AMBRA1: variants seen among roughly 807,000 people sequenced by gnomAD.
The protein encoded by AMBRA1 is autophagy and beclin 1 regulator 1.
AMBRA1 carries 47 observed loss-of-function variants against 125.4 expected under a neutral mutation model. The observed-to-expected ratio is 0.37, with a 90% CI of 0.30 to 0.48. The LOEUF (loss-of-function observed/expected upper bound fraction) is 0.48, where lower values mean the gene tolerates loss of function less well. Ranked by LOEUF, AMBRA1 falls within the 20% of genes least tolerant of loss-of-function variation. The pLI is 0.99. For synonymous variants in AMBRA1, 626 were observed against 655.5 expected (o/e 0.95, Z 0.69); for missense variants, 1,331 against 1,693.4 (o/e 0.79, Z 3.76).
intron 7 of AMBRA1, among the ~76,000 whole-genome samples, chr11:46,533,358 GT>G (rs1952306678): frequency 1.3e-5 from 2 of 152,248 alleles, no homozygotes. Context: ...ATTGACAATA[GT>G]TTTGTAATTA....
intron 1 of AMBRA1, among the ~76,000 whole-genome samples, chr11:46,591,939 T>TCAA (rs2044613816): frequency 7.1e-6 from 1 of 141,458 alleles, no homozygotes; most frequent in South Asian, 2.2e-4. Context: ...ACCTCAAGAC[T>TCAA]GATTTTTTTT....
In AMBRA1 at chr11:46,542,301, G is replaced by A. The variant is rs759539111; in HGVS notation, c.1716C>T (p.His572=). 6 of 1,613,996 alleles carry A rather than the reference G, an allele frequency of 3.7e-6. No individual in the cohort carries two copies. In the African/African-American group the frequency reaches 5.3e-5, roughly 14 times the overall value. ...TATCGTTGTTGAAGGTCAGGAGATT[G>A]TGGCAAGCACGACAGCGATTCAGGT... ...RGHLNRCRAC[H]NLLTFNNDTL... Residue 572 remains histidine (H), a synonymous_variant, in exon 7 of 18, where the codon CAC becomes CAT. Transcript: ENST00000683756. This position sits in a 1 kb window ranked among gnomAD's most constrained non-coding sequence, Gnocchi z 5.9.
At chr11:46,506,735 T>C (rs1951048251) in intron 9 of AMBRA1, among the ~76,000 whole-genome samples, 1 of 151,924 alleles carries the variant, frequency 6.6e-6, no homozygotes, top group African/African-American at 2.4e-5. Context: ...AATACCAAAA[T>C]ATAAGGAATC....
chr11:46,439,439 A>G (rs1947894364), intron 12 of AMBRA1, among the ~76,000 whole-genome samples: 1 of 152,208 alleles, frequency 6.6e-6, no homozygotes. Flanking sequence ...CATCCCAAAT[A>G]AATGGAGATA....
intron 11 of AMBRA1, among the ~76,000 whole-genome samples, chr11:46,471,986 A>G (rs1256835859): frequency 2.6e-5 from 4 of 152,144 alleles, no homozygotes; most frequent in Non-Finnish European, 4.4e-5. Context: ...AATTTTTACA[A>G]AAGAGTTGTG....
intron 7 of AMBRA1, among the ~76,000 whole-genome samples, chr11:46,540,183 C>A (rs1423605009): frequency 6.6e-6 from 1 of 152,140 alleles, no homozygotes; most frequent in Non-Finnish European, 1.5e-5. Context: ...TTAAACCACT[C>A]AGGAATTTCT....
At chr11:46,534,558 G>A (rs1171863623) in intron 7 of AMBRA1, among the ~76,000 whole-genome samples, 1 of 152,132 alleles carries the variant, frequency 6.6e-6, no homozygotes, top group Admixed American at 6.5e-5. Flanking sequence ...TCTGTTAATG[G>A]AATGAGTGAA....
intron 4 of AMBRA1, among the ~76,000 whole-genome samples, chr11:46,546,808 T>C (rs982993865): frequency 1.3e-5 from 2 of 152,190 alleles, no homozygotes; most frequent in Non-Finnish European, 2.9e-5. Flanking sequence ...TGGTGGCTCA[T>C]GCCTGTAATC....
intron 14 of AMBRA1, among the ~76,000 whole-genome samples, chr11:46,427,908 C>CTGAGGCAGGAGAA (rs1261764947): frequency 6.8e-6 from 1 of 148,116 alleles, no homozygotes; most frequent in Non-Finnish European, 1.5e-5. Flanking sequence ...AATCAGGAGG[C>CTGAGGCAGGAGAA]TGAGGCAGGA....
At chr11:46,493,493 G>T in intron 11 of AMBRA1, 115 bp downstream of exon 11, 1 of 832,036 alleles carries the variant, frequency 1.2e-6, no homozygotes, top group Non-Finnish European at 1.8e-6. Flanking sequence ...CCCCAAAATA[G>T]AATTTTCAGA....
chr11:46,435,242 G>A (rs1258123798), intron 12 of AMBRA1, among the ~76,000 whole-genome samples: 2 of 152,158 alleles, frequency 1.3e-5, no homozygotes, highest in African/African-American at 4.8e-5. Context: ...ACCTTAGCAG[G>A]AAACTATAGG....
intron 7 of AMBRA1, among the ~76,000 whole-genome samples, chr11:46,525,990 G>C (rs1951953070): frequency 6.6e-6 from 1 of 152,012 alleles, no homozygotes; most frequent in South Asian, 2.1e-4. Context: ...CAGATCACCT[G>C]AGGTCGGGAG....
At chr11:46,428,530 T>C (rs767241176) in intron 14 of AMBRA1, 14 of 866,684 alleles carry the variant, frequency 1.6e-5, no homozygotes, top group Non-Finnish European at 2.3e-5. Flanking sequence ...AAGTTCCTAG[T>C]GCCTCTAGGA....
chr11:46,448,821 T>C (rs960258848), intron 11 of AMBRA1, among the ~76,000 whole-genome samples: 1 of 152,198 alleles, frequency 6.6e-6, no homozygotes, highest in Non-Finnish European at 1.5e-5. Context: ...AACAACCGTA[T>C]GCCTACAAAT....
At chr11:46,533,623 T>C (rs1465145738) in intron 7 of AMBRA1, among the ~76,000 whole-genome samples, 1 of 152,196 alleles carries the variant, frequency 6.6e-6, no homozygotes, top group East Asian at 1.9e-4. Flanking sequence ...TTTTTGGTTC[T>C]CAACACAGTC....
In AMBRA1 at chr11:46,509,585, A is replaced by G. The variant is rs148274368; in HGVS notation, c.2160-1215T>C. 4.5e-3 allele frequency among the ~76,000 whole-genome samples: 682 copies of G among 152,326 alleles called. 6 individuals carry two copies. The highest frequency in any genetic ancestry group is 0.016 in the African/African-American group (652 of 41,584). ...AACAAATTAAATAAATTATTAATAT[A>G]TCCATACAAAGAAACACCATGTAGC... On this transcript the variant is annotated intron_variant, in intron 8 of 17. Transcript: ENST00000683756.
At chr11:46,474,315 T>C (rs1301921344) in intron 11 of AMBRA1, among the ~76,000 whole-genome samples, 1 of 152,184 alleles carries the variant, frequency 6.6e-6, no homozygotes, top group Non-Finnish European at 1.5e-5. Context: ...AATAAATTAA[T>C]TATTATCAGG....
At chr11:46,509,116 C>T (rs1374614750) in intron 8 of AMBRA1, among the ~76,000 whole-genome samples, 1 of 152,216 alleles carries the variant, frequency 6.6e-6, no homozygotes, top group African/African-American at 2.4e-5. Flanking sequence ...TGCGTGGGCA[C>T]TGGGCAATAT....
chr11:46,453,149 G>A (rs562916662), intron 11 of AMBRA1, among the ~76,000 whole-genome samples: 1 of 152,158 alleles, frequency 6.6e-6, no homozygotes, highest in Non-Finnish European at 1.5e-5. Context: ...GCTTCTCCTG[G>A]ACATTTCATG....
Sources: gnomAD v4.1 joint callset for allele counts (sites outside exome capture counted in the v4.1 genomes callset) on GRCh38, gnomAD v4.1.1 for gene constraint, Gnocchi (gnomAD v3.1) non-coding constraint, MANE v1.5 for transcripts, NCBI Gene and HGNC (gene_info 2026-07-23, HGNC 2026-07-21) for gene names.